Variants in SLC7A14 observed in about 807,000 individuals in gnomAD.
SLC7A14 encodes the protein gamma-aminobutyric acid transporter SLC7A14.
Under a neutral mutation model 60.2 loss-of-function variants are expected in SLC7A14, and 37 were observed. That is an observed-to-expected ratio of 0.61 (90% CI 0.47 to 0.81). The LOEUF is 0.81. SLC7A14 is among the 30% of genes least tolerant of loss of function. SLC7A14 has a pLI of 0.00. For synonymous variants in SLC7A14, 399 were observed against 395.8 expected (o/e 1.01, Z -0.10); for missense variants, 886 against 982.7 (o/e 0.90, Z 1.32).
chr3:170,518,128 G>C (rs1476250656), intron 2 of SLC7A14, among the ~76,000 whole-genome samples: 1 of 152,136 alleles, frequency 6.6e-6, no homozygotes, highest in Non-Finnish European at 1.5e-5. Context: ...TTCCTCATCT[G>C]TAGAGCAGAA....
intron 1 of SLC7A14, among the ~76,000 whole-genome samples, chr3:170,581,294 C>T (rs1482184512): frequency 6.6e-6 from 1 of 152,092 alleles, no homozygotes; most frequent in Non-Finnish European, 1.5e-5. Flanking sequence ...CCTCTCACCC[C>T]CTCACACTGA....
intron 7 of SLC7A14, among the ~76,000 whole-genome samples, chr3:170,480,022 A>G (rs1476178176): frequency 6.6e-6 from 1 of 152,196 alleles, no homozygotes; most frequent in Non-Finnish European, 1.5e-5. Flanking sequence ...TCTGGTATTA[A>G]TTATCCTGAT....
At chr3:170,527,151 G>C (rs1397814175) in intron 1 of SLC7A14, 63 bp from the exon 2 acceptor site, 2 of 591,168 alleles carry the variant, frequency 3.4e-6, no homozygotes, top group African/African-American at 3.7e-5. Context: ...TTGACTTGCG[G>C]GGATGGTTGG....
chr3:170,549,566 C>G (rs1360814928), intron 1 of SLC7A14, among the ~76,000 whole-genome samples: 1 of 152,142 alleles, frequency 6.6e-6, no homozygotes, highest in Non-Finnish European at 1.5e-5. Flanking sequence ...TCCTCTATAG[C>G]TCTTATATAA....
At chr3:170,494,013 A>G (rs1018964592) in intron 4 of SLC7A14, among the ~76,000 whole-genome samples, 1 of 152,224 alleles carries the variant, frequency 6.6e-6, no homozygotes. Context: ...AATCTACTCA[A>G]GGCAGTAGGC....
intron 7 of SLC7A14, among the ~76,000 whole-genome samples, chr3:170,469,235 G>A (rs993624663): frequency 6.6e-6 from 1 of 152,074 alleles, no homozygotes; most frequent in African/African-American, 2.4e-5. Flanking sequence ...TTGCTGCTGT[G>A]GTGCTTGAGA....
At chr3:170,494,427 T>C (rs138910896) in intron 4 of SLC7A14, among the ~76,000 whole-genome samples, 131 of 152,344 alleles carry the variant, frequency 8.6e-4, no homozygotes, top group African/African-American at 3.0e-3. Context: ...AGCTCCTTCC[T>C]TGATGAGGCA....
At chr3:170,472,218 T>A (rs865995261) in intron 7 of SLC7A14, among the ~76,000 whole-genome samples, 1 of 140,770 alleles carries the variant, frequency 7.1e-6, no homozygotes, top group African/African-American at 2.7e-5. Flanking sequence ...AAAAAAAAAA[T>A]AATTAGCTGG....
chr3:170,475,626 C>T (rs187370945), intron 7 of SLC7A14, among the ~76,000 whole-genome samples: 26 of 152,284 alleles, frequency 1.7e-4, no homozygotes, highest in African/African-American at 5.5e-4. Context: ...AGCAGTGGCA[C>T]GCATTTGAGT....
At chr3:170,483,632 C>G (rs893981942) in intron 5 of SLC7A14, 110 bp from the exon 6 acceptor site, 6 of 1,151,772 alleles carry the variant, frequency 5.2e-6, no homozygotes, top group Non-Finnish European at 7.6e-6. Context: ...GCTTGCATGG[C>G]AGTTTGGATC....
At chr3:170,513,901 C>G (rs1445942132) in intron 2 of SLC7A14, among the ~76,000 whole-genome samples, 1 of 152,224 alleles carries the variant, frequency 6.6e-6, no homozygotes, top group African/African-American at 2.4e-5. Context: ...TGCAAACACT[C>G]ATTCCCTCTC....
At chr3:170,574,851 C>G (rs956299123) in intron 1 of SLC7A14, among the ~76,000 whole-genome samples, 10 of 152,150 alleles carry the variant, frequency 6.6e-5, no homozygotes, top group Non-Finnish European at 1.3e-4. Context: ...GACTGGGAGT[C>G]AGGGAATCTA....
At chr3:170,555,240 T>C (rs1389610489) in intron 1 of SLC7A14, among the ~76,000 whole-genome samples, 1 of 151,766 alleles carries the variant, frequency 6.6e-6, no homozygotes, top group African/African-American at 2.4e-5. Flanking sequence ...ATGCTCATTG[T>C]GGACAATTTG....
At chr3:170,546,182 C>T (rs1714176283) in intron 1 of SLC7A14, among the ~76,000 whole-genome samples, 1 of 152,158 alleles carries the variant, frequency 6.6e-6, no homozygotes, top group Admixed American at 6.5e-5. Context: ...GAAGACTCAC[C>T]CAGCTCTCAG....
At chr3:170,566,241 C>G (rs1449357014) in intron 1 of SLC7A14, among the ~76,000 whole-genome samples, 1 of 152,070 alleles carries the variant, frequency 6.6e-6, no homozygotes, top group Non-Finnish European at 1.5e-5. Context: ...GTTTTTCTCC[C>G]TCTCTGTACC....
At chr3:170,571,687 T>C (rs1471999505) in intron 1 of SLC7A14, among the ~76,000 whole-genome samples, 1 of 152,210 alleles carries the variant, frequency 6.6e-6, no homozygotes, top group Non-Finnish European at 1.5e-5. Flanking sequence ...GTTTTTAGTA[T>C]GTTTGTTGAA....
chr3:170,536,733 G>A (rs955868978), intron 1 of SLC7A14, among the ~76,000 whole-genome samples: 4 of 152,148 alleles, frequency 2.6e-5, no homozygotes, highest in African/African-American at 9.6e-5. Flanking sequence ...AATGTTGATA[G>A]GGACTTTTTA....
intron 4 of SLC7A14, among the ~76,000 whole-genome samples, chr3:170,494,588 G>A (rs1712322787): frequency 6.6e-6 from 1 of 152,246 alleles, no homozygotes; most frequent in Non-Finnish European, 1.5e-5. Context: ...TTTACACAGA[G>A]GATATTAACT....
At chr3:170,572,246 T>C (rs1389388117) in intron 1 of SLC7A14, among the ~76,000 whole-genome samples, 1 of 152,172 alleles carries the variant, frequency 6.6e-6, no homozygotes, top group African/African-American at 2.4e-5. Context: ...TCTGAGAGAA[T>C]TTTTAAATTG....
Sources: gnomAD v4.1 joint callset for allele counts (sites outside exome capture counted in the v4.1 genomes callset) on GRCh38, gnomAD v4.1.1 for gene constraint, MANE v1.5 for transcripts, NCBI Gene and HGNC (gene_info 2026-07-23, HGNC 2026-07-21) for gene names.